Variants in MAMDC2 observed in about 807,000 individuals in gnomAD.
The protein encoded by MAMDC2 is MAM domain-containing protein 2.
In MAMDC2, 57 loss-of-function variants were observed where a neutral mutation model predicts 89.8. That is an observed-to-expected ratio of 0.63 (90% CI 0.51 to 0.79). The LOEUF (loss-of-function observed/expected upper bound fraction) is 0.79. Ranked by LOEUF, MAMDC2 falls within the 30% of genes least tolerant of loss-of-function variation. The probability of loss-of-function intolerance (pLI) is 0.00; values close to 1 mark genes in which losing one functional copy is unlikely to be tolerated. For missense variants in MAMDC2, 800 were observed against 820.6 expected (o/e 0.97, Z 0.31); for synonymous variants, 313 against 293.4 (o/e 1.07, Z -0.68).
At chr9:70,112,870 A>G in intron 4 of MAMDC2, 125 bp from the exon 5 acceptor site, 1 of 1,174,358 alleles carries the variant, frequency 8.5e-7, no homozygotes, top group Non-Finnish European at 1.2e-6. Flanking sequence ...GGGTCCTGGT[A>G]GAAAGGTTGC....
intron 2 of MAMDC2, among the ~76,000 whole-genome samples, chr9:70,104,024 G>A (rs1280663926): frequency 6.6e-6 from 1 of 151,442 alleles, no homozygotes; most frequent in Non-Finnish European, 1.5e-5. Context: ...GCACAGAATG[G>A]GAAAAAGTAT....
intron 2 of MAMDC2, among the ~76,000 whole-genome samples, chr9:70,076,267 AAAATTT>A (rs1827530421): frequency 6.6e-6 from 1 of 152,118 alleles, no homozygotes; most frequent in African/African-American, 2.4e-5. Context: ...CTAAAAATAC[AAAATTT>A]AGCCGAGTGT....
rs369579783 is a variant in MAMDC2 at position 70,044,246 on chromosome 9, C to T, written c.34+15C>T. The stretch of plus-strand genomic sequence containing the variant: ...GGCGTTGCAAGGTAAGGCCTGGACC[C>T]CGGGACAACCCCGGGGGCGCTCTGA... On this transcript the variant is annotated intron_variant, in intron 1 of 13. Coordinates refer to ENST00000377182, the MANE Select transcript of MAMDC2 (RefSeq NM_153267.5). 1 of 1,611,762 alleles carries T rather than the reference C, an allele frequency of 6.2e-7. No individual in the cohort carries two copies. The highest frequency in any genetic ancestry group is 8.5e-7 in the Non-Finnish European group (1 of 1,179,848).
chr9:70,056,822 A>C (rs993493586), intron 2 of MAMDC2, among the ~76,000 whole-genome samples: 5 of 152,146 alleles, frequency 3.3e-5, no homozygotes, highest in Admixed American at 3.3e-4. Flanking sequence ...ACCTCCTACC[A>C]GATCAGCAGC....
At chr9:70,062,670 G>A (rs1049146366) in intron 2 of MAMDC2, 1 of 152,146 alleles carries the variant, frequency 6.6e-6, no homozygotes, top group African/African-American at 2.4e-5. Flanking sequence ...CCAGGAACTG[G>A]GCACAACAGT....
intron 5 of MAMDC2, among the ~76,000 whole-genome samples, chr9:70,122,870 G>A (rs537547259): frequency 2.4e-4 from 37 of 152,260 alleles, no homozygotes; most frequent in African/African-American, 8.4e-4. Context: ...AGGAAGAGGA[G>A]AACCTGGGCC....
chr9:70,148,430 C>T (rs1023989006), intron 9 of MAMDC2, among the ~76,000 whole-genome samples: 3 of 150,350 alleles, frequency 2.0e-5, no homozygotes, highest in Non-Finnish European at 4.4e-5. Context: ...CCCAAGTCTG[C>T]CACTTACTAG....
At chr9:70,108,591 A>G in intron 3 of MAMDC2, 109 bp downstream of exon 3, 1 of 957,532 alleles carries the variant, frequency 1.0e-6, no homozygotes, top group Non-Finnish European at 1.5e-6. Context: ...CTGGATTATG[A>G]CGTGATGTTT....
At chr9:70,051,281 T>A (rs556155645) in intron 2 of MAMDC2, among the ~76,000 whole-genome samples, 1 of 152,194 alleles carries the variant, frequency 6.6e-6, no homozygotes, top group Non-Finnish European at 1.5e-5. Flanking sequence ...TCTGGTTTCC[T>A]CCCTACTCAA....
chr9:70,187,937 C>T (rs2032793679), intron 11 of MAMDC2, among the ~76,000 whole-genome samples: 1 of 152,190 alleles, frequency 6.6e-6, no homozygotes, highest in African/African-American at 2.4e-5. Context: ...GGTAACTCTA[C>T]ACTTAACTAT....
intron 2 of MAMDC2, among the ~76,000 whole-genome samples, chr9:70,106,924 C>T (rs1828357688): frequency 6.6e-6 from 1 of 152,080 alleles, no homozygotes; most frequent in Non-Finnish European, 1.5e-5. Flanking sequence ...AGGATCCAGG[C>T]TGGGATGGGC....
chr9:70,066,079 T>A (rs1478844225), intron 2 of MAMDC2, among the ~76,000 whole-genome samples: 1 of 152,120 alleles, frequency 6.6e-6, no homozygotes, highest in Non-Finnish European at 1.5e-5. Flanking sequence ...ACATAAATAA[T>A]CATATATGGT....
intron 2 of MAMDC2, among the ~76,000 whole-genome samples, chr9:70,055,028 A>G (rs1826997348): frequency 6.6e-6 from 1 of 152,132 alleles, no homozygotes; most frequent in African/African-American, 2.4e-5. Flanking sequence ...CCACTCCTGG[A>G]GACTTAGCGA....
At position 70,109,759 on chromosome 9, in the gene MAMDC2, A is replaced by G. The variant is rs774833659; in HGVS notation, c.460A>G (p.Ser154Gly). The change falls in exon 4 of 14, where the codon AGC becomes GGC. Residue 154 changes from serine to glycine, a missense_variant. Ser to Gly is a moderately conservative substitution (Grantham distance 56). Transcript: ENST00000377182. Reference sequence around the variant, plus strand: ...TGTACTAGGACAGGGAAACACAGCCAGCATCGCACTATTTGAAATCAAGAT... The same window carrying G: ...TGTACTAGGACAGGGAAACACAGCCGGCATCGCACTATTTGAAATCAAGAT... ...EGVLGQGNTA[S>G]IALFEIKMTT... The G allele has an allele frequency of 6.3e-5, 102 of 1,614,002 alleles. No individual in the cohort carries two copies. The highest frequency in any genetic ancestry group is 7.0e-5 in the Non-Finnish European group (83 of 1,179,950).
chr9:70,177,021 A>G (rs144272965), intron 11 of MAMDC2, among the ~76,000 whole-genome samples: 1 of 152,308 alleles, frequency 6.6e-6, no homozygotes, highest in African/African-American at 2.4e-5. Flanking sequence ...TAAGACACTA[A>G]CAATGACCAA....
At chr9:70,196,921 G>C (rs2032984143) in intron 11 of MAMDC2, among the ~76,000 whole-genome samples, 1 of 152,104 alleles carries the variant, frequency 6.6e-6, no homozygotes, top group Admixed American at 6.6e-5. Flanking sequence ...TCTTGATTAT[G>C]AAATGGTTCC....
intron 2 of MAMDC2, among the ~76,000 whole-genome samples, chr9:70,103,986 T>TAAAA (rs111553707): frequency 7.1e-6 from 1 of 141,500 alleles, no homozygotes; most frequent in Non-Finnish European, 1.6e-5. Flanking sequence ...CGTCTCCATT[T>TAAAA]AAAAAAAAAA....
At chr9:70,050,846 C>G (rs1416294764) in intron 2 of MAMDC2, among the ~76,000 whole-genome samples, 1 of 152,208 alleles carries the variant, frequency 6.6e-6, no homozygotes, top group Non-Finnish European at 1.5e-5. Context: ...TAAGCCTTAT[C>G]TCACTTTTGT....
chr9:70,206,473 A>T (rs2033225162), intron 11 of MAMDC2, among the ~76,000 whole-genome samples: 1 of 152,178 alleles, frequency 6.6e-6, no homozygotes, highest in South Asian at 2.1e-4. Flanking sequence ...TAGAATATAA[A>T]CTATATCCTG....
Sources: allele counts gnomAD v4.1 joint callset (sites outside exome capture counted in the v4.1 genomes callset), GRCh38; gene constraint gnomAD v4.1.1; transcripts MANE v1.5; gene names NCBI Gene and HGNC (gene_info 2026-07-23, HGNC 2026-07-21).